Variants in RORB observed in about 807,000 individuals in gnomAD.
RORB encodes nuclear receptor ROR-beta.
In RORB, 6 loss-of-function variants were observed where a neutral mutation model predicts 59.1. The observed-to-expected ratio is 0.10, with a 90% CI of 0.06 to 0.20. The LOEUF is 0.20. RORB is among the 10% of genes least tolerant of loss of function. The pLI, the probability that RORB is intolerant of heterozygous loss-of-function variation, is 1.00. For synonymous variants in RORB, 215 were observed against 204.5 expected (o/e 1.05, Z -0.44); for missense variants, 320 against 560.5 (o/e 0.57, Z 4.33).
At chr9:74,661,590 A>ATGATT in intron 5 of RORB, among the ~76,000 whole-genome samples, 1 of 149,754 alleles carries the variant, frequency 6.7e-6, no homozygotes, top group African/African-American at 2.5e-5. Context: ...ACTTAGGTGA[A>ATGATT]TGATTTGATT....
At chr9:74,649,623 A>C (rs930510732) in intron 4 of RORB, among the ~76,000 whole-genome samples, 3 of 152,312 alleles carry the variant, frequency 2.0e-5, no homozygotes, top group African/African-American at 7.2e-5. Context: ...ACAATCACCT[A>C]GTAACATGTA....
chr9:74,594,770 TC>T (rs1822947496), intron 1 of RORB, among the ~76,000 whole-genome samples: 1 of 152,192 alleles, frequency 6.6e-6, no homozygotes, highest in African/African-American at 2.4e-5. Flanking sequence ...TCCACTATTT[TC>T]ATTTGAGAGG....
At chr9:74,541,018 C>T (rs551448147) in intron 1 of RORB, among the ~76,000 whole-genome samples, 14 of 152,098 alleles carry the variant, frequency 9.2e-5, no homozygotes, top group Middle Eastern at 3.4e-3. Context: ...CCGTGGTGCA[C>T]GCCTATAATT....
At chr9:74,609,467 C>T (rs1361945581) in intron 1 of RORB, among the ~76,000 whole-genome samples, 2 of 152,024 alleles carry the variant, frequency 1.3e-5, no homozygotes, top group South Asian at 2.1e-4. Context: ...TAATATGACC[C>T]ATACTGCCTC....
chr9:74,592,879 A>C (rs1822920462), intron 1 of RORB, among the ~76,000 whole-genome samples: 1 of 152,090 alleles, frequency 6.6e-6, no homozygotes, highest in South Asian at 2.1e-4. Flanking sequence ...ATGCACACGC[A>C]CACACACGCA....
Position 74,519,581 on chromosome 9 carries a change from T to C in RORB, c.7+21598T>C, listed in dbSNP as rs184965382. ...TTGTGGACTGCTTCTGTAACTCTTT[T>C]AAAATAAATTTTCTAAGTAAATGCT... On this transcript the variant is annotated intron_variant, in intron 1 of 9. Coordinates refer to ENST00000376896, the MANE Select transcript of RORB (RefSeq NM_006914.4). Among the ~76,000 whole-genome samples, 177 of 152,098 alleles carry C rather than the reference T, an allele frequency of 1.2e-3. 1 individual carries two copies. The highest frequency in any genetic ancestry group is 4.1e-3 in the African/African-American group (169 of 41,536).
In RORB at chr9:74,497,968, G is replaced by T; in HGVS notation, c.-9G>T. ...TCATGACTACGCGGAGCGGGAGAGC[G>T]GCCACACCATGCGAGGTAAGCGAGT... On this transcript the variant is annotated 5_prime_UTR_variant, in exon 1 of 10. Coordinates refer to ENST00000376896, the MANE Select transcript of RORB (RefSeq NM_006914.4). 1.2e-6 allele frequency: 2 copies of T among 1,611,942 alleles called. No homozygotes were observed. Among genetic ancestry groups the T allele is most frequent in the African/African-American group, 2.7e-5 (2 of 75,008 alleles).
At chr9:74,598,526 T>C (rs1452593107) in intron 1 of RORB, among the ~76,000 whole-genome samples, 1 of 152,222 alleles carries the variant, frequency 6.6e-6, no homozygotes, top group African/African-American at 2.4e-5. Context: ...ATAGTTTATA[T>C]TTGTATATAT....
intron 4 of RORB, among the ~76,000 whole-genome samples, chr9:74,653,033 A>G (rs1461838770): frequency 2.0e-5 from 3 of 152,222 alleles, no homozygotes; most frequent in South Asian, 2.1e-4. Context: ...TCTTTAAATG[A>G]CATTGTCTTT....
At chr9:74,611,067 T>C (rs886447624) in intron 1 of RORB, among the ~76,000 whole-genome samples, 13 of 152,200 alleles carry the variant, frequency 8.5e-5, no homozygotes, top group African/African-American at 3.1e-4. Flanking sequence ...GGAGAACTTT[T>C]CTGTCCCCCT....
intron 1 of RORB, among the ~76,000 whole-genome samples, chr9:74,622,882 A>G (rs941418977): frequency 2.6e-4 from 39 of 152,188 alleles, no homozygotes; most frequent in Admixed American, 7.8e-4. Context: ...TCTATCAGGC[A>G]CCCAGGGAAG....
chr9:74,614,311 T>G (rs1003271156), intron 1 of RORB, among the ~76,000 whole-genome samples: 1 of 152,196 alleles, frequency 6.6e-6, no homozygotes, highest in Non-Finnish European at 1.5e-5. Flanking sequence ...AAATTTCCCC[T>G]TTATACCTTT....
chr9:74,563,738 A>C (rs1357438281), intron 1 of RORB, among the ~76,000 whole-genome samples: 1 of 152,234 alleles, frequency 6.6e-6, no homozygotes, highest in Non-Finnish European at 1.5e-5. Flanking sequence ...CAACAAAGGA[A>C]GTGGCTACAA....
intron 1 of RORB, among the ~76,000 whole-genome samples, chr9:74,529,845 A>G (rs2118093659): frequency 6.6e-6 from 1 of 152,102 alleles, no homozygotes; most frequent in South Asian, 2.1e-4. Context: ...CCAAAATCTC[A>G]GAAATCACCG....
chr9:74,638,236 C>T (rs762897154), intron 3 of RORB, among the ~76,000 whole-genome samples: 13 of 152,124 alleles, frequency 8.5e-5, no homozygotes, highest in Non-Finnish European at 1.8e-4. Context: ...AAACACATGT[C>T]CATGTGCTAT....
intron 1 of RORB, among the ~76,000 whole-genome samples, chr9:74,629,210 C>T (rs969277161): frequency 2.0e-5 from 3 of 151,492 alleles, no homozygotes; most frequent in Non-Finnish European, 4.4e-5. Context: ...TATCTCCTAA[C>T]ACCCAAGTTG....
At chr9:74,593,626 A>G (rs1822932951) in intron 1 of RORB, among the ~76,000 whole-genome samples, 1 of 152,210 alleles carries the variant, frequency 6.6e-6, no homozygotes, top group South Asian at 2.1e-4. Flanking sequence ...TACATTACAC[A>G]TAATTCCAGC....
intron 2 of RORB, 87 bp downstream of exon 2, chr9:74,630,454 G>C (rs1283434780): frequency 1.0e-6 from 1 of 974,964 alleles, no homozygotes; most frequent in African/African-American, 1.6e-5. Flanking sequence ...TTTAAGGAAG[G>C]CTGGCTAAAG....
At chr9:74,556,183 C>T (rs143071373) in intron 1 of RORB, among the ~76,000 whole-genome samples, 1 of 152,232 alleles carries the variant, frequency 6.6e-6, no homozygotes, top group Non-Finnish European at 1.5e-5. Flanking sequence ...GTTGAAATAA[C>T]TTCTGTAAGT....
Sources: allele counts gnomAD v4.1 joint callset (sites outside exome capture counted in the v4.1 genomes callset), GRCh38; gene constraint gnomAD v4.1.1; transcripts MANE v1.5; gene names NCBI Gene and HGNC (gene_info 2026-07-23, HGNC 2026-07-21).